The following HDAC9 variants were observed in gnomAD, a reference collection of about 807,000 sequenced individuals.
HDAC9 encodes MEF-2 interacting transcription repressor (MITR) protein.
In HDAC9, 41 loss-of-function variants were observed where a neutral mutation model predicts 139.4. The ratio of observed to expected loss-of-function variants is 0.29; its 90% CI spans 0.23 to 0.38. The LOEUF (loss-of-function observed/expected upper bound fraction) is 0.38. Ranked by LOEUF, HDAC9 falls within the 10% of genes least tolerant of loss-of-function variation. The pLI is 1.00. For synonymous variants in HDAC9, 517 were observed against 476.2 expected (o/e 1.09, Z -1.12); for missense variants, 1,147 against 1,297.0 (o/e 0.88, Z 1.78).
rs556553313 is a variant in HDAC9, at chr7:18,933,594, C to G, written c.2804-2215C>G. Among the ~76,000 whole-genome samples, 8 of 151,738 alleles carry G rather than the reference C, an allele frequency of 5.3e-5. No homozygotes were observed. The South Asian group carries it at 1.7e-3, about 32-fold the overall frequency. On this transcript the variant is annotated intron_variant, in intron 22 of 25. Coordinates refer to ENST00000686413, the MANE Select transcript of HDAC9 (RefSeq NM_178425.4). The stretch of plus-strand genomic sequence containing the variant: ...CAAATATTTTTCACATATAAAGTTA[C>G]AATGAATACAAGCTCAAAGTACTCC...
At chr7:18,684,227 C>T (rs932784507) in intron 12 of HDAC9, among the ~76,000 whole-genome samples, 2 of 151,398 alleles carry the variant, frequency 1.3e-5, no homozygotes, top group African/African-American at 4.9e-5. Flanking sequence ...TGCACTCCAG[C>T]CTGGCAACAG....
chr7:18,731,685 G>C (rs981713693), intron 13 of HDAC9, among the ~76,000 whole-genome samples: 1 of 152,156 alleles, frequency 6.6e-6, no homozygotes, highest in Non-Finnish European at 1.5e-5. Flanking sequence ...GAGTGCAATG[G>C]AACGATCTTG....
At chr7:18,522,616 A>C (rs28697972) in intron 2 of HDAC9, among the ~76,000 whole-genome samples, 5 of 151,634 alleles carry the variant, frequency 3.3e-5, no homozygotes, top group African/African-American at 1.2e-4. Context: ...AAAACAAAAA[A>C]CAAAAAAAAA....
intron 1 of HDAC9, among the ~76,000 whole-genome samples, chr7:18,298,466 G>T (rs903467020): frequency 6.6e-6 from 1 of 151,794 alleles, no homozygotes; most frequent in Non-Finnish European, 1.5e-5. Context: ...CCCAGAGTGT[G>T]ATATTCCCCT....
chr7:18,476,992 A>G (rs140350823), intron 1 of HDAC9, among the ~76,000 whole-genome samples: 6 of 152,302 alleles, frequency 3.9e-5, no homozygotes, highest in African/African-American at 1.2e-4. Flanking sequence ...TTCTGCTCCT[A>G]AGAAAAATAA....
chr7:18,282,265 T>C (rs1797154094), intron 2 of HDAC9, among the ~76,000 whole-genome samples: 1 of 152,198 alleles, frequency 6.6e-6, no homozygotes, highest in African/African-American at 2.4e-5. Context: ...TATTTAATAT[T>C]CACAGCAATT....
intron 2 of HDAC9, among the ~76,000 whole-genome samples, chr7:18,279,784 G>T (rs1243169429): frequency 6.6e-6 from 1 of 151,888 alleles, no homozygotes; most frequent in East Asian, 1.9e-4. Flanking sequence ...CATTTAATAA[G>T]GACAAATATT....
chr7:18,198,687 C>G (rs1465119399), intron 2 of HDAC9, among the ~76,000 whole-genome samples: 2 of 151,960 alleles, frequency 1.3e-5, no homozygotes, highest in Non-Finnish European at 2.9e-5. Context: ...ACTTTTTTTC[C>G]TAATTGTACA....
chr7:18,533,372 T>C (rs1227512519), intron 2 of HDAC9, among the ~76,000 whole-genome samples: 2 of 152,196 alleles, frequency 1.3e-5, no homozygotes, highest in Non-Finnish European at 2.9e-5. Flanking sequence ...TTGTAGCTTC[T>C]TTGTCGGTTT....
At chr7:18,713,010 A>T (rs1050177346) in intron 12 of HDAC9, among the ~76,000 whole-genome samples, 2 of 152,198 alleles carry the variant, frequency 1.3e-5, no homozygotes, top group African/African-American at 4.8e-5. Flanking sequence ...TTGTCTAATC[A>T]TATTATATTA....
chr7:18,858,430 G>A (rs1022511236), intron 21 of HDAC9, among the ~76,000 whole-genome samples: 13 of 152,108 alleles, frequency 8.5e-5, no homozygotes, highest in South Asian at 8.3e-4. Context: ...TTATAAAACC[G>A]TCAGCTCTCA....
chr7:18,896,110 G>A (rs10486317), intron 22 of HDAC9, among the ~76,000 whole-genome samples: 91,782 of 151,838 alleles, frequency 0.6, 28,662 homozygotes, highest in East Asian at 0.83. Flanking sequence ...TATTTATGAA[G>A]GAAGAAACTA....
intron 2 of HDAC9, among the ~76,000 whole-genome samples, chr7:18,262,614 TTTTTTCTTCTG>T (rs1795752681): frequency 1.3e-5 from 2 of 152,198 alleles, no homozygotes; most frequent in Admixed American, 1.3e-4. Flanking sequence ...GTTTGTAACA[TTTTTTCTTCTG>T]TCTGATTTAA....
chr7:18,173,527 G>T (rs762757840), intron 2 of HDAC9, among the ~76,000 whole-genome samples: 3 of 152,192 alleles, frequency 2.0e-5, no homozygotes, highest in Admixed American at 2.0e-4. Context: ...CCAGTTAGTT[G>T]ATGCAGTTTC....
At position 18,193,265 on chromosome 7, in the gene HDAC9, C is replaced by T. The variant is rs147155034; in HGVS notation, c.25+30916C>T. On this transcript the variant is annotated intron_variant, in intron 2 of 12. Coordinates refer to the HDAC9 transcript ENST00000417496. Reference sequence around the variant, plus strand: ...GGTAAAGTCAGATGAAAAGGTGGAACAATAATCTAATACATTTCATCAATA... The same window carrying T: ...GGTAAAGTCAGATGAAAAGGTGGAATAATAATCTAATACATTTCATCAATA... Among the ~76,000 whole-genome samples the T allele has an allele frequency of 2.5e-3, 384 of 152,148 alleles. 1 individual carries two copies. Among genetic ancestry groups the T allele is most frequent in the Non-Finnish European group, 2.4e-3 (160 of 67,986 alleles).
At chr7:18,634,389 T>C (rs905174990) in intron 7 of HDAC9, among the ~76,000 whole-genome samples, 2 of 151,958 alleles carry the variant, frequency 1.3e-5, no homozygotes, top group Non-Finnish European at 2.9e-5. Context: ...TGGATATCTT[T>C]ACTTCTCTAG....
At chr7:18,454,641 C>A (rs1274337984) in intron 1 of HDAC9, among the ~76,000 whole-genome samples, 1 of 151,992 alleles carries the variant, frequency 6.6e-6, no homozygotes, top group African/African-American at 2.4e-5. Flanking sequence ...TTTCTTATTG[C>A]TCACCATGTG....
At chr7:18,560,896 A>T (rs951479942) in intron 2 of HDAC9, among the ~76,000 whole-genome samples, 5 of 152,120 alleles carry the variant, frequency 3.3e-5, no homozygotes, top group Non-Finnish European at 7.4e-5. Flanking sequence ...GTCAGATAAC[A>T]CATCTGGAAG....
chr7:18,140,184 A>G (rs997804311), intron 1 of HDAC9, among the ~76,000 whole-genome samples: 1 of 152,140 alleles, frequency 6.6e-6, no homozygotes, highest in Non-Finnish European at 1.5e-5. Flanking sequence ...GAAATCTGCA[A>G]ACATCCCGGG....
Sources: allele counts gnomAD v4.1 joint callset (sites outside exome capture counted in the v4.1 genomes callset), GRCh38; gene constraint gnomAD v4.1.1; transcripts MANE v1.5; gene names NCBI Gene and HGNC (gene_info 2026-07-23, HGNC 2026-07-21).